The following RLBP1 variants were observed in gnomAD, a reference collection of about 807,000 sequenced individuals.
The protein encoded by RLBP1 is retinaldehyde binding protein 1, also known as retinaldehyde-binding protein 1.
Under a neutral mutation model 36.2 loss-of-function variants are expected in RLBP1, and 26 were observed. The observed-to-expected ratio is 0.72, with a 90% confidence interval of 0.53 to 1.00. The LOEUF (loss-of-function observed/expected upper bound fraction) is 1.00, where lower values mean the gene tolerates loss of function less well. Ranked by LOEUF, RLBP1 falls within the 50% of genes least tolerant of loss-of-function variation. The pLI is 0.00. For synonymous variants in RLBP1, 155 were observed against 156.2 expected (o/e 0.99, Z 0.06); for missense variants, 410 against 402.4 (o/e 1.02, Z -0.16).
intron 1 of RLBP1, among the ~76,000 whole-genome samples, chr15:89,221,230 A>G (rs1368009534): frequency 6.6e-6 from 1 of 152,100 alleles, no homozygotes; most frequent in East Asian, 1.9e-4. Flanking sequence ...GCTGGTCTCG[A>G]ACTCCTGACC....
chr15:89,212,676 G>T (rs1241001108), intron 6 of RLBP1, among the ~76,000 whole-genome samples: 1 of 151,560 alleles, frequency 6.6e-6, no homozygotes, highest in Non-Finnish European at 1.5e-5. Flanking sequence ...AGATTGGAAG[G>T]ATGTCAATAG....
Position 89,218,797 on chromosome 15 carries a change from T to G in RLBP1, c.13-104A>C, listed in dbSNP as rs1334876103. ...TCAGTTCTTTTGCCCAAGGTCATTG[T>G]TAAGCCTCCTCCTTTTGTGGGGTCA... On this transcript the variant is annotated intron_variant, in intron 3 of 8. Transcript: ENST00000268125. The surrounding 1 kb of genome is among the most constrained non-coding windows in gnomAD (Gnocchi z 4.6). The G allele has an allele frequency of 6.3e-7, 1 of 1,578,600 alleles. No homozygotes were observed. Among genetic ancestry groups the G allele is most frequent in the Non-Finnish European group, 8.6e-7 (1 of 1,156,842 alleles).
chr15:89,215,262 C>G, intron 5 of RLBP1, 24 bp from the exon 6 acceptor site: 6 of 1,613,392 alleles, frequency 3.7e-6, no homozygotes, highest in Non-Finnish European at 5.1e-6. Flanking sequence ...AGCAGAGGAA[C>G]CCCCTCAGGG....
chr15:89,216,479 C>T (rs767290563), intron 5 of RLBP1, among the ~76,000 whole-genome samples: 4 of 152,328 alleles, frequency 2.6e-5, no homozygotes, highest in Admixed American at 6.5e-5. Flanking sequence ...TGCGCCACCA[C>T]GCCCGGCTAG....
chr15:89,210,865 C>T lies in RLBP1; in HGVS notation c.685-56G>A, dbSNP rs1230257216. On this transcript the variant is annotated intron_variant, in intron 7 of 8. Coordinates refer to ENST00000268125, the MANE Select transcript of RLBP1 (RefSeq NM_000326.5). This position sits in a 1 kb window ranked among gnomAD's most constrained non-coding sequence, Gnocchi z 4.7. ...ATGGCCCCAGTGACCTCAGAGGCTC[C>T]CACTCATTCCCTGCTGCCTCTCCTC... The T allele has an allele frequency of 3.4e-6, 4 of 1,160,092 alleles. No homozygotes were observed. Among genetic ancestry groups the T allele is most frequent in the Admixed American group, 4.0e-5 (2 of 49,958 alleles). 71.9% of individuals were successfully genotyped at this position (1,160,092 alleles called of 1,614,324 possible).
Position 89,210,168 on chromosome 15 carries a change from A to G in RLBP1, c.*117T>C. On this transcript the variant is annotated 3_prime_UTR_variant, in exon 9 of 9. Coordinates refer to ENST00000268125, the MANE Select transcript of RLBP1 (RefSeq NM_000326.5). This position sits in a 1 kb window ranked among gnomAD's most constrained non-coding sequence, Gnocchi z 4.7. ...GTGACACCTGAGCTCACTCGGGCTT[A>G]GGGAGTCTAAGGGGGGACCACAGTC... 1.7e-6 allele frequency: 2 copies of G among 1,190,690 alleles called. No homozygotes were observed. The highest frequency in any genetic ancestry group is 1.2e-6 in the Non-Finnish European group (1 of 808,548). 73.8% of individuals were successfully genotyped at this position (1,190,690 alleles called of 1,614,324 possible). A position where few individuals can be genotyped will look rare whatever the true frequency, so the allele number is the denominator to read the frequency against.
In RLBP1 at chr15:89,217,284, T is replaced by C; in HGVS notation, c.182A>G (p.Glu61Gly). 2 of 1,608,672 alleles carry C rather than the reference T, an allele frequency of 1.2e-6. No homozygotes were observed. The highest frequency in any genetic ancestry group is 1.7e-6 in the Non-Finnish European group (2 of 1,179,986). ...CATCTCCTGCAGCTCTCGCACTGCC[T>C]CCTCCCGGGTCTCCTCTCTCTCGTT... ...ELNEREETRE[E>G]AVRELQEMVQ... Residue 61 changes from glutamate (E) to glycine (G), a missense_variant, in exon 5 of 9, where the codon GAG (glutamate) becomes GGG (glycine). By Grantham distance (98) the Glu-to-Gly change is moderately conservative (BLOSUM62 -2). Transcript: ENST00000268125.
chr15:89,210,159 C>T lies in RLBP1; in HGVS notation c.*126G>A, dbSNP rs1191530306. On this transcript the variant is annotated 3_prime_UTR_variant, in exon 9 of 9. Coordinates refer to ENST00000268125, the MANE Select transcript of RLBP1 (RefSeq NM_000326.5). The surrounding 1 kb of genome is among the most constrained non-coding windows in gnomAD (Gnocchi z 4.7). Reference sequence around the variant, plus strand: ...GAGAACAGGGTGACACCTGAGCTCACTCGGGCTTAGGGAGTCTAAGGGGGG... The same window carrying T: ...GAGAACAGGGTGACACCTGAGCTCATTCGGGCTTAGGGAGTCTAAGGGGGG... The T allele has an allele frequency of 2.7e-5, 30 of 1,104,356 alleles. No individual in the cohort carries two copies. The highest frequency in any genetic ancestry group is 3.4e-5 in the Non-Finnish European group (25 of 732,214). The allele number at this position is 1,104,356 out of a possible 1,614,324, so 68.4% of individuals were successfully genotyped here.
At chr15:89,215,436 A>T (rs1254718462) in intron 5 of RLBP1, among the ~76,000 whole-genome samples, 198 bp from the exon 6 acceptor site, 1 of 152,230 alleles carries the variant, frequency 6.6e-6, no homozygotes, top group Non-Finnish European at 1.5e-5. Context: ...GATAGTCTAG[A>T]TAGTGGCCTA....
chr15:89,215,204 G>A lies in RLBP1; in HGVS notation c.381C>T (p.Leu127=), dbSNP rs759274750. The change falls in exon 6 of 9, where the codon CTC becomes CTT. Residue 127 remains leucine, a synonymous_variant. Coordinates refer to ENST00000268125, the MANE Select transcript of RLBP1 (RefSeq NM_000326.5). ...CAGCCTCTGGGGACAGGCTGTCAAA[G>A]AGCTCAGGGTACTGCAGCCGGAAAT... The part of the protein sequence containing the change: ...YVNFRLQYPE[L]FDSLSPEAVR... 3.1e-6 allele frequency: 5 copies of A among 1,614,096 alleles called. No individual in the cohort carries two copies. Among genetic ancestry groups the A allele is most frequent in the Non-Finnish European group, 4.2e-6 (5 of 1,180,054 alleles).
chr15:89,217,317 T>C lies in RLBP1; in HGVS notation c.149A>G (p.Asp50Gly), dbSNP rs754605689. 1 of 1,605,204 alleles carries C rather than the reference T, an allele frequency of 6.2e-7. No individual in the cohort carries two copies. The highest frequency in any genetic ancestry group is 2.2e-5 in the East Asian group (1 of 44,886). ...GGTCTCCTCTCTCTCGTTCAGCTCA[T>C]CCTTGGCCTAGAACAGGGTGGGGTG... is the stretch of plus-strand genomic sequence containing the variant. ...LPRHTLQKAK[D>G]ELNEREETRE... The change falls in exon 5 of 9, where the codon GAT (aspartate) becomes GGT (glycine). Residue 50 changes from aspartate (D) to glycine (G), a missense_variant. Asp to Gly is a moderately conservative substitution (Grantham distance 94). Transcript: ENST00000268125.
At chr15:89,216,997 G>A in intron 5 of RLBP1, 123 bp downstream of exon 5, 1 of 961,236 alleles carries the variant, frequency 1.0e-6, no homozygotes, top group Non-Finnish European at 1.6e-6. Flanking sequence ...AGGATGTGGA[G>A]GCTCAGAGAA....
Position 89,210,891 on chromosome 15 carries a change from A to G in RLBP1, c.685-82T>C. 1 of 927,688 alleles carries G rather than the reference A, an allele frequency of 1.1e-6. No individual in the cohort carries two copies. The highest frequency in any genetic ancestry group is 1.7e-6 in the Non-Finnish European group (1 of 590,280). 57.5% of individuals were successfully genotyped at this position (927,688 alleles called of 1,614,324 possible). A position where few individuals can be genotyped will look rare whatever the true frequency, so the allele number is the denominator to read the frequency against. Reference sequence around the variant, plus strand: ...CACTCATTCCCTGCTGCCTCTCCTCATGGCATAGAACAGACTTGTCCAGCA... The same window carrying G: ...CACTCATTCCCTGCTGCCTCTCCTCGTGGCATAGAACAGACTTGTCCAGCA... On this transcript the variant is annotated intron_variant, in intron 7 of 8. Coordinates refer to ENST00000268125, the MANE Select transcript of RLBP1 (RefSeq NM_000326.5). The surrounding 1 kb of genome is among the most constrained non-coding windows in gnomAD (Gnocchi z 4.7).
intron 6 of RLBP1, among the ~76,000 whole-genome samples, chr15:89,213,988 C>A (rs776521645): frequency 1.3e-5 from 2 of 151,872 alleles, no homozygotes; most frequent in African/African-American, 4.8e-5. Flanking sequence ...TCTCTATCAT[C>A]GAAACAGTAT....
In RLBP1 at chr15:89,211,164, G is replaced by T. The variant is rs530886712; in HGVS notation, c.685-355C>A. ...GAAGGGACTGCAAACTATTACAAAC[G>T]ACAGGAACAGTATTATCATCCCTCA... is the stretch of plus-strand genomic sequence containing the variant. On this transcript the variant is annotated intron_variant, in intron 7 of 8. Coordinates refer to ENST00000268125, the MANE Select transcript of RLBP1 (RefSeq NM_000326.5). The surrounding 1 kb of genome is among the most constrained non-coding windows in gnomAD (Gnocchi z 5.8). Among the ~76,000 whole-genome samples the T allele has an allele frequency of 6.6e-6, 1 of 152,132 alleles. No individual in the cohort carries two copies. Among genetic ancestry groups the T allele is most frequent in the Non-Finnish European group, 1.5e-5 (1 of 68,026 alleles).
chr15:89,212,634 G>A (rs2051548577), intron 6 of RLBP1, among the ~76,000 whole-genome samples: 1 of 150,918 alleles, frequency 6.6e-6, no homozygotes, highest in Non-Finnish European at 1.5e-5. Context: ...GCGTGTGTGT[G>A]TGTGTGTATG....
In RLBP1 at chr15:89,210,779, G is replaced by C. The variant is rs2051531287; in HGVS notation, c.715C>G (p.His239Asp). ...AAGTACCATGGCTGGTGGATGAAGTGGATGGCTTTGAACCGGGCTGGGAAG... is the reference window on the plus strand; with the variant it reads ...AAGTACCATGGCTGGTGGATGAAGTCGATGGCTTTGAACCGGGCTGGGAAG... ...DSFPARFKAI[H>D]FIHQPWYFTT... The change falls in exon 8 of 9, where the codon CAC becomes GAC. Residue 239 changes from histidine to aspartate, a missense_variant. Transcript: ENST00000268125. This position sits in a 1 kb window ranked among gnomAD's most constrained non-coding sequence, Gnocchi z 4.7. The C allele has an allele frequency of 1.3e-6, 2 of 1,597,286 alleles. No individual in the cohort carries two copies. The highest frequency in any genetic ancestry group is 8.5e-7 in the Non-Finnish European group (1 of 1,170,610).
At position 89,218,463 on chromosome 15, in the gene RLBP1, G is replaced by A; in HGVS notation, c.141+102C>T. On this transcript the variant is annotated intron_variant, in intron 4 of 8. Transcript: ENST00000268125. This position sits in a 1 kb window ranked among gnomAD's most constrained non-coding sequence, Gnocchi z 4.6. ...AGTCTATCAGGTCCAGGATGATCTG[G>A]AGTGCCGAGGCTGGACCCTTTTCAC... is the stretch of plus-strand genomic sequence containing the variant. The A allele has an allele frequency of 3.9e-6, 6 of 1,537,370 alleles. No homozygotes were observed. The South Asian group carries it at 6.8e-5, about 17-fold the overall frequency.
rs2051599343 is a variant in RLBP1 at position 89,218,391 on chromosome 15, A to C, written c.141+174T>G. Among the ~76,000 whole-genome samples the C allele has an allele frequency of 6.6e-6, 1 of 152,170 alleles. No individual in the cohort carries two copies. The highest frequency in any genetic ancestry group is 2.4e-5 in the African/African-American group (1 of 41,428). On this transcript the variant is annotated intron_variant, in intron 4 of 8. Transcript: ENST00000268125. The surrounding 1 kb of genome is among the most constrained non-coding windows in gnomAD (Gnocchi z 4.6). ...GCCTGGCTGGGTGTCTGGTCAACCC[A>C]GTTGCTGCCATAGCCGTGACCACCA...
Sources: allele counts gnomAD v4.1 joint callset (sites outside exome capture counted in the v4.1 genomes callset), GRCh38; gene constraint gnomAD v4.1.1; non-coding constraint Gnocchi (gnomAD v3.1); transcripts MANE v1.5; gene names NCBI Gene and HGNC (gene_info 2026-07-23, HGNC 2026-07-21).